SHQ1: variants seen among roughly 807,000 people sequenced by gnomAD.
SHQ1 encodes the protein SHQ1, H/ACA ribonucleoprotein assembly factor.
SHQ1 carries 49 observed loss-of-function variants against 53.8 expected under a neutral mutation model. The observed-to-expected ratio is 0.91, with a 90% CI of 0.72 to 1.16. The LOEUF (loss-of-function observed/expected upper bound fraction) is 1.16. SHQ1 is among the 50% of genes most tolerant of loss of function. The pLI, the probability that SHQ1 is intolerant of heterozygous loss-of-function variation, is 0.00. For synonymous variants in SHQ1, 243 were observed against 251.0 expected, an observed-to-expected ratio of 0.97 and a Z score of 0.30; for missense variants, 738 against 683.1, an observed-to-expected ratio of 1.08 and a Z score of -0.90.
At chr3:72,803,075 A>G (rs1284927005) in intron 9 of SHQ1, among the ~76,000 whole-genome samples, 1 of 152,142 alleles carries the variant, frequency 6.6e-6, no homozygotes, top group African/African-American at 2.4e-5. Flanking sequence ...CAGGTCCAAG[A>G]GGGTATGAGA....
At chr3:72,751,561 C>T (rs1467967436) in intron 10 of SHQ1, among the ~76,000 whole-genome samples, 1 of 139,552 alleles carries the variant, frequency 7.2e-6, no homozygotes. Context: ...GCCTAACTCT[C>T]CTAACAGAGT....
At chr3:72,739,031 G>A in the SHQ1 span, among the ~76,000 whole-genome samples, 7 of 152,264 alleles carry the variant, frequency 4.6e-5, no homozygotes, top group Non-Finnish European at 1.0e-4. Context: ...CCGCGGATTA[G>A]CGGGTTGGCT....
intron 9 of SHQ1, among the ~76,000 whole-genome samples, chr3:72,800,292 G>A (rs1358265282): frequency 1.1e-4 from 17 of 152,100 alleles, no homozygotes. Flanking sequence ...CCCAGTCTGT[G>A]GTATTCTGTT....
intron 2 of SHQ1, 35 bp downstream of exon 2, chr3:72,844,324 A>G (rs766189343): frequency 6.3e-7 from 1 of 1,577,652 alleles, no homozygotes; most frequent in Non-Finnish European, 8.7e-7. Flanking sequence ...GAAAAATCCC[A>G]AGAAATAAAC....
At position 72,750,434 on chromosome 3, in the gene SHQ1, A is replaced by G. The variant is rs767879529; in HGVS notation, c.1584T>C (p.Ser528=). 7 of 1,614,096 alleles carry G rather than the reference A, an allele frequency of 4.3e-6. No homozygotes were observed. Among genetic ancestry groups the G allele is most frequent in the South Asian group, 2.2e-5 (2 of 91,088 alleles). The change falls in exon 11 of 11, where the codon TCT becomes TCC. Residue 528 remains serine, a synonymous_variant. Transcript: ENST00000325599. ...GCCCAGACACTCCAAGAGGCCAGGA[A>G]GAGGCAAGTGGCTTTCCCTGACTGG... is the stretch of plus-strand genomic sequence containing the variant. ...SDASQGKPLA[S]SWPLGVSGPL... is the part of the protein sequence containing the mutation.
At chr3:72,767,937 G>A (rs993057187) in intron 10 of SHQ1, among the ~76,000 whole-genome samples, 23 of 152,216 alleles carry the variant, frequency 1.5e-4, no homozygotes, top group Non-Finnish European at 2.6e-4. Context: ...TGCGTGGGGC[G>A]GGAGATATAA....
At chr3:72,809,557 G>A (rs924499081) in intron 9 of SHQ1, 1 of 151,994 alleles carries the variant, frequency 6.6e-6, no homozygotes, top group South Asian at 2.1e-4. Flanking sequence ...AGTAAAGTAA[G>A]GAATACCTTC....
At chr3:72,768,461 T>C (rs75829154) in intron 10 of SHQ1, among the ~76,000 whole-genome samples, 4,787 of 152,306 alleles carry the variant, frequency 0.031, 229 homozygotes, top group African/African-American at 0.095. Context: ...AGAAAGATCA[T>C]ATCCCTAGTC....
the SHQ1 span, among the ~76,000 whole-genome samples, chr3:72,740,135 A>G: frequency 2.6e-5 from 4 of 152,148 alleles, no homozygotes; most frequent in African/African-American, 9.7e-5. Context: ...CCATCTCCCA[A>G]AGTCCCCCTG....
chr3:72,813,830 C>CTTTTTTTT (rs931930903), intron 8 of SHQ1, among the ~76,000 whole-genome samples: 3 of 108,204 alleles, frequency 2.8e-5, no homozygotes, highest in Non-Finnish European at 3.7e-5. Context: ...TCCTCTTTTT[C>CTTTTTTTT]TTTTTTTTTT....
At position 72,750,623 on chromosome 3, in the gene SHQ1, T is replaced by C. The variant is rs200517996; in HGVS notation, c.1395A>G (p.Ser465=). 5.0e-6 allele frequency: 8 copies of C among 1,614,238 alleles called. No homozygotes were observed. Among genetic ancestry groups the C allele is most frequent in the Non-Finnish European group, 6.8e-6 (8 of 1,180,028 alleles). The stretch of plus-strand genomic sequence containing the variant: ...CTGAGCCTGAGTCTTCGTTTCCAGA[T>C]GACACGCTGCTGTCTGAGTCCTCCG... ...SDSEDSDSSV[S]SGNEDSGSDS... is the part of the protein sequence containing the mutation. Residue 465 remains serine, a synonymous_variant, in exon 11 of 11, where the codon TCA becomes TCG. Coordinates refer to ENST00000325599, the MANE Select transcript of SHQ1 (RefSeq NM_018130.3).
chr3:72,803,174 C>T (rs1392160541), intron 9 of SHQ1, among the ~76,000 whole-genome samples: 2 of 152,186 alleles, frequency 1.3e-5, no homozygotes, highest in Non-Finnish European at 2.9e-5. Context: ...CATGCTATGG[C>T]TCTTACAGTG....
In SHQ1 at chr3:72,750,020, TGTAAA is replaced by T; in HGVS notation, c.*259_*263del. On this transcript the variant is annotated 3_prime_UTR_variant, in exon 11 of 11. Coordinates refer to ENST00000325599, the MANE Select transcript of SHQ1 (RefSeq NM_018130.3). ...AGATTACTTATATTACCCAATACAA[TGTAAA>T]TGCTGTGGAAATAGTTGTCATACTG... The T allele has an allele frequency of 2.2e-6, 1 of 447,112 alleles. No individual in the cohort carries two copies. The allele number at this position is 447,112 out of a possible 1,614,324, so 27.7% of individuals were successfully genotyped here.
At chr3:72,840,352 T>C (rs763772300) in intron 4 of SHQ1, among the ~76,000 whole-genome samples, 1 of 150,648 alleles carries the variant, frequency 6.6e-6, no homozygotes. Context: ...TCACTTGAGT[T>C]TGAGACCATC....
intron 9 of SHQ1, among the ~76,000 whole-genome samples, chr3:72,806,493 A>G (rs1320212359): frequency 6.6e-6 from 1 of 152,196 alleles, no homozygotes; most frequent in Non-Finnish European, 1.5e-5. Flanking sequence ...AGAAAACACA[A>G]GGAATTACAA....
At chr3:72,800,948 C>G (rs1393133316) in intron 9 of SHQ1, among the ~76,000 whole-genome samples, 43 of 152,174 alleles carry the variant, frequency 2.8e-4, no homozygotes, top group Admixed American at 2.8e-3. Flanking sequence ...ACAATCCCTG[C>G]AAGATGTGCC....
intron 5 of SHQ1, among the ~76,000 whole-genome samples, chr3:72,831,274 T>C (rs1433122804): frequency 6.6e-6 from 1 of 152,204 alleles, no homozygotes; most frequent in African/African-American, 2.4e-5. Flanking sequence ...CATCACAAGA[T>C]ATATCCCTGC....
intron 10 of SHQ1, among the ~76,000 whole-genome samples, chr3:72,786,472 G>T (rs1706236541): frequency 6.6e-6 from 1 of 152,034 alleles, no homozygotes; most frequent in African/African-American, 2.4e-5. Flanking sequence ...TGCATCCTGG[G>T]TTTTCAGGCT....
intron 10 of SHQ1, among the ~76,000 whole-genome samples, chr3:72,781,633 C>T (rs1333517292): frequency 6.6e-6 from 1 of 152,044 alleles, no homozygotes; most frequent in Admixed American, 6.6e-5. Context: ...CTAGAGTCCC[C>T]GAACCCCAAC....
Sources: allele counts gnomAD v4.1 joint callset (sites outside exome capture counted in the v4.1 genomes callset), GRCh38; gene constraint gnomAD v4.1.1; transcripts MANE v1.5; gene names NCBI Gene and HGNC (gene_info 2026-07-23, HGNC 2026-07-21).